Variants in SNAPC1 observed in about 807,000 individuals in gnomAD.
SNAPC1 encodes snRNA-activating protein complex subunit 1.
A neutral mutation model predicts 50.1 loss-of-function variants in SNAPC1; 42 were observed. The ratio of observed to expected loss-of-function variants is 0.84; its 90% CI spans 0.65 to 1.08. The LOEUF is 1.08. Among genes scored for constraint, SNAPC1 ranks in the 50% least tolerant of loss-of-function variants. SNAPC1 has a pLI of 0.00. For missense variants in SNAPC1, 477 were observed against 427.3 expected, an observed-to-expected ratio of 1.12 and a Z score of -1.02; for synonymous variants, 164 against 144.2, an observed-to-expected ratio of 1.14 and a Z score of -0.98.
chr14:61,769,475 G>T (rs187754196), intron 4 of SNAPC1, among the ~76,000 whole-genome samples: 102 of 131,700 alleles, frequency 7.7e-4, no homozygotes, highest in African/African-American at 2.9e-3. Context: ...TCAGCTCATT[G>T]TAACCTCCGC....
chr14:61,771,710 C>T (rs1335081459), intron 4 of SNAPC1, among the ~76,000 whole-genome samples: 1 of 152,070 alleles, frequency 6.6e-6, no homozygotes, highest in African/African-American at 2.4e-5. Flanking sequence ...GAGCAAGGTT[C>T]CTGCTATGGA....
At position 61,785,339 on chromosome 14, in the gene SNAPC1, C is replaced by T. The variant is rs183447708; in HGVS notation, c.976+2942C>T. On this transcript the variant is annotated intron_variant, in intron 8 of 9. Coordinates refer to ENST00000216294, the MANE Select transcript of SNAPC1 (RefSeq NM_003082.4). ...GCTTGAACCCGGGAGGCGGAGGTTGCGGTGAGCCAAGATCGCGCCAAGATG... is the reference window on the plus strand; with the variant it reads ...GCTTGAACCCGGGAGGCGGAGGTTGTGGTGAGCCAAGATCGCGCCAAGATG... 9.2e-5 allele frequency among the ~76,000 whole-genome samples: 14 copies of T among 152,158 alleles called. No individual in the cohort carries two copies. The East Asian group carries it at 9.7e-4, about 11-fold the overall frequency.
chr14:61,772,015 T>C (rs767201903), intron 4 of SNAPC1, among the ~76,000 whole-genome samples: 10 of 152,090 alleles, frequency 6.6e-5, no homozygotes, highest in South Asian at 2.1e-4. Flanking sequence ...GAGAGAGGCA[T>C]AGGACATTTT....
In SNAPC1 at chr14:61,782,287, C is replaced by T; in HGVS notation, c.866C>T (p.Ser289Phe). ...SRRHRQVKLD[S>F]SDSDSASGQG... ...AGGCATCGTCAAGTCAAACTCGACT[C>T]TTCTGACTCTGATTCTGCATCTGGT... Residue 289 changes from serine to phenylalanine, a missense_variant, in exon 8 of 10, where the codon TCT becomes TTT. Ser to Phe is a radical substitution (Grantham distance 155, BLOSUM62 -2). Coordinates refer to ENST00000216294, the MANE Select transcript of SNAPC1 (RefSeq NM_003082.4). 6.2e-7 allele frequency: 1 copy of T among 1,611,282 alleles called. No homozygotes were observed. Among genetic ancestry groups the T allele is most frequent in the African/African-American group, 1.3e-5 (1 of 74,902 alleles).
intron 7 of SNAPC1, 134 bp from the exon 8 acceptor site, chr14:61,782,113 A>C (rs2045079285): frequency 8.0e-6 from 5 of 627,758 alleles, no homozygotes; most frequent in Non-Finnish European, 1.3e-5. Flanking sequence ...AGCCAGGGGT[A>C]ATAGTAAAGT....
At chr14:61,778,008 G>T in intron 5 of SNAPC1, 64 bp from the exon 6 acceptor site, 2 of 713,084 alleles carry the variant, frequency 2.8e-6, no homozygotes, top group South Asian at 2.3e-5. Flanking sequence ...AAATTGATTT[G>T]CAGTTAATTG....
chr14:61,776,000 A>C lies in SNAPC1; in HGVS notation c.535-95A>C, dbSNP rs534721344. The C allele has an allele frequency of 3.5e-6, 3 of 857,442 alleles. No homozygotes were observed. In the South Asian group the frequency reaches 5.4e-5, roughly 16 times the overall value. The allele number at this position is 857,442 out of a possible 1,614,324, so 53.1% of individuals were successfully genotyped here. ...TAGCATGTTATTACCTATCAACTGG[A>C]AGTCACTTTGGAAGGTGACTATTTT... On this transcript the variant is annotated intron_variant, in intron 4 of 9. Coordinates refer to ENST00000216294, the MANE Select transcript of SNAPC1 (RefSeq NM_003082.4).
At chr14:61,774,107 G>A (rs2045016041) in intron 4 of SNAPC1, among the ~76,000 whole-genome samples, 2 of 151,710 alleles carry the variant, frequency 1.3e-5, no homozygotes, top group East Asian at 3.9e-4. Context: ...GAATGTCCAA[G>A]TCTATAAGGC....
intron 4 of SNAPC1, among the ~76,000 whole-genome samples, chr14:61,772,521 G>A (rs1401296579): frequency 6.6e-6 from 1 of 152,078 alleles, no homozygotes; most frequent in African/African-American, 2.4e-5. Flanking sequence ...GGGATTATAG[G>A]CGTGAATCAC....
rs1313129773 is a variant in SNAPC1 at position 61,792,778 on chromosome 14, A to T, written c.977-29A>T. 4.9e-6 allele frequency: 6 copies of T among 1,226,710 alleles called. No homozygotes were observed. The East Asian group carries it at 1.5e-4, about 30-fold the overall frequency. 76.0% of individuals were successfully genotyped at this position (1,226,710 alleles called of 1,614,324 possible). ...AAAGATTATAATATTCTTTGCTTTCATATAAAATCATTTTCTAAATATTTC... is the reference window on the plus strand; with the variant it reads ...AAAGATTATAATATTCTTTGCTTTCTTATAAAATCATTTTCTAAATATTTC... On this transcript the variant is annotated intron_variant, in intron 8 of 9. Transcript: ENST00000216294.
chr14:61,793,785 T>G (rs1398409720), intron 9 of SNAPC1, among the ~76,000 whole-genome samples: 1 of 151,572 alleles, frequency 6.6e-6, no homozygotes, highest in Non-Finnish European at 1.5e-5. Context: ...GCCTCCCAAG[T>G]AGCTGGGATT....
intron 1 of SNAPC1, 44 bp downstream of exon 1, chr14:61,762,632 T>C: frequency 6.2e-7 from 1 of 1,610,020 alleles, no homozygotes; most frequent in Non-Finnish European, 8.5e-7. Context: ...TGCCCGCAGG[T>C]GGTGTAGAAA....
intron 7 of SNAPC1, among the ~76,000 whole-genome samples, chr14:61,779,297 C>T (rs2045055274): frequency 6.6e-6 from 1 of 152,144 alleles, no homozygotes; most frequent in Non-Finnish European, 1.5e-5. Flanking sequence ...GCCCTTGGCA[C>T]TCATGGTGAC....
chr14:61,793,216 C>G (rs1302064992), intron 9 of SNAPC1, among the ~76,000 whole-genome samples: 1 of 152,178 alleles, frequency 6.6e-6, no homozygotes, highest in Non-Finnish European at 1.5e-5. Context: ...GACTGCTGCT[C>G]TCTTCCAGGA....
intron 8 of SNAPC1, among the ~76,000 whole-genome samples, chr14:61,785,803 A>G (rs1594651063): frequency 6.6e-6 from 1 of 152,300 alleles, no homozygotes; most frequent in East Asian, 1.9e-4. Context: ...ATGAATCTGC[A>G]TTTTCACATA....
At chr14:61,782,069 A>T (rs2045078553) in intron 7 of SNAPC1, among the ~76,000 whole-genome samples, 178 bp from the exon 8 acceptor site, 1 of 152,238 alleles carries the variant, frequency 6.6e-6, no homozygotes, top group African/African-American at 2.4e-5. Context: ...AAAATAAGAG[A>T]CTATTTACAT....
intron 1 of SNAPC1, among the ~76,000 whole-genome samples, chr14:61,763,158 AT>A (rs1450752000): frequency 6.6e-6 from 1 of 151,112 alleles, no homozygotes; most frequent in Non-Finnish European, 1.5e-5. Flanking sequence ...CGCCCGGTTA[AT>A]TTTTTGTATT....
At chr14:61,770,710 G>A (rs1594644229) in intron 4 of SNAPC1, among the ~76,000 whole-genome samples, 1 of 151,994 alleles carries the variant, frequency 6.6e-6, no homozygotes, top group Non-Finnish European at 1.5e-5. Context: ...CCACCACATT[G>A]TATGAAAAAT....
rs2045162744 is a variant in SNAPC1, at chr14:61,792,863, A to G, written c.1033A>G (p.Ile345Val). 4.4e-6 allele frequency: 7 copies of G among 1,607,336 alleles called. No individual in the cohort carries two copies. The South Asian group carries it at 4.4e-5, about 10-fold the overall frequency. Residue 345 changes from isoleucine to valine, a missense_variant, in exon 9 of 10, where the codon ATT (isoleucine) becomes GTT (valine). Coordinates refer to ENST00000216294, the MANE Select transcript of SNAPC1 (RefSeq NM_003082.4). ...ACCTTTAAGTCTGAGTATGCCTGTA[A>G]TTACAGAAGAAGAAGAGAATGAAAG... is the stretch of plus-strand genomic sequence containing the variant. ...DKPLSLSMPV[I>V]TEEEENESLS...
Sources: allele counts gnomAD v4.1 joint callset (sites outside exome capture counted in the v4.1 genomes callset), GRCh38; gene constraint gnomAD v4.1.1; transcripts MANE v1.5; gene names NCBI Gene and HGNC (gene_info 2026-07-23, HGNC 2026-07-21).